Variants in KCTD8 observed in about 807,000 individuals in gnomAD.
KCTD8 encodes BTB/POZ domain-containing protein KCTD8.
KCTD8 carries 27 observed loss-of-function variants against 31.5 expected under a neutral mutation model. That is an observed-to-expected ratio of 0.86 (90% CI 0.63 to 1.18). KCTD8 has a LOEUF of 1.18. KCTD8 is among the 50% of genes most tolerant of loss of function. KCTD8 has a pLI of 0.00. For synonymous variants in KCTD8, 290 were observed against 280.0 expected, an observed-to-expected ratio of 1.04 and a Z score of -0.36; for missense variants, 658 against 647.7, an observed-to-expected ratio of 1.02 and a Z score of -0.17.
rs186614739 is a variant in KCTD8, at chr4:44,422,962, A to G, written c.961+24601T>C. Among the ~76,000 whole-genome samples, 333 of 152,200 alleles carry G rather than the reference A, an allele frequency of 2.2e-3. 5 individuals carry two copies. Among genetic ancestry groups the G allele is most frequent in the Non-Finnish European group, 1.9e-3 (129 of 67,984 alleles). ...TAGAGAAGAGACTGACCCTCCCAAA[A>G]TTCCACTTTACCAACCATAAATTTG... On this transcript the variant is annotated intron_variant, in intron 1 of 1. Coordinates refer to ENST00000360029, the MANE Select transcript of KCTD8 (RefSeq NM_198353.3).
chr4:44,374,013 G>T (rs1050639613), intron 1 of KCTD8, among the ~76,000 whole-genome samples: 2 of 151,972 alleles, frequency 1.3e-5, no homozygotes, highest in Non-Finnish European at 2.9e-5. Flanking sequence ...CAGTTTAGGC[G>T]ACTACATAAG....
At chr4:44,320,109 T>G (rs1718250568) in intron 1 of KCTD8, among the ~76,000 whole-genome samples, 1 of 137,492 alleles carries the variant, frequency 7.3e-6, no homozygotes, top group Admixed American at 8.5e-5. Flanking sequence ...GAGGCAGAGG[T>G]TGCAGTGAGC....
In KCTD8 at chr4:44,405,298, G is replaced by A. The variant is rs575470095; in HGVS notation, c.961+42265C>T. Among the ~76,000 whole-genome samples, 5 of 151,970 alleles carry A rather than the reference G, an allele frequency of 3.3e-5. No individual in the cohort carries two copies. In the South Asian group the frequency reaches 6.2e-4, roughly 19 times the overall value. Reference sequence around the variant, plus strand: ...TTGTGAGACGGAGTCTCGCTCTGTCGCCAGGCTGGAGTGTAGTGGCATGAT... The same window carrying A: ...TTGTGAGACGGAGTCTCGCTCTGTCACCAGGCTGGAGTGTAGTGGCATGAT... On this transcript the variant is annotated intron_variant, in intron 1 of 1. Transcript: ENST00000360029.
intron 1 of KCTD8, among the ~76,000 whole-genome samples, chr4:44,203,214 A>G (rs947070464): frequency 3.9e-5 from 6 of 152,300 alleles, no homozygotes; most frequent in African/African-American, 1.4e-4. Flanking sequence ...TAAAATTAAG[A>G]AAGAATAGCT....
chr4:44,211,797 T>C lies in KCTD8; in HGVS notation c.962-36547A>G, dbSNP rs74652926. ...TAATTAAAAGAGGAAATTAAAAATA[T>C]CCCCAATGTTAGTAATCTGTAAAAT... On this transcript the variant is annotated intron_variant, in intron 1 of 1. Transcript: ENST00000360029. 1.6e-4 allele frequency among the ~76,000 whole-genome samples: 25 copies of C among 152,256 alleles called. No individual in the cohort carries two copies. In the East Asian group the frequency reaches 4.4e-3, roughly 27 times the overall value.
chr4:44,383,619 C>T (rs1304560942), intron 1 of KCTD8, among the ~76,000 whole-genome samples: 1 of 151,938 alleles, frequency 6.6e-6, no homozygotes, highest in Admixed American at 6.6e-5. Flanking sequence ...TAACCATAAA[C>T]ACAATAATAA....
chr4:44,415,313 A>G (rs1721048603), intron 1 of KCTD8, among the ~76,000 whole-genome samples: 1 of 152,164 alleles, frequency 6.6e-6, no homozygotes, highest in Admixed American at 6.6e-5. Context: ...TTAAAAGAGA[A>G]GTAGAGCAAA....
chr4:44,385,089 A>G (rs73247524), intron 1 of KCTD8, among the ~76,000 whole-genome samples: 22,620 of 151,642 alleles, frequency 0.15, 1,875 homozygotes, highest in Non-Finnish European at 0.19. Flanking sequence ...AAAAATTGGA[A>G]AAACATTTTC....
chr4:44,395,358 G>T (rs10938337), intron 1 of KCTD8, among the ~76,000 whole-genome samples: 37,601 of 151,964 alleles, frequency 0.25, 4,961 homozygotes, highest in South Asian at 0.3. Flanking sequence ...GGGCCGAAAA[G>T]ACCCTGAAAT....
chr4:44,380,214 C>T (rs972269764), intron 1 of KCTD8, among the ~76,000 whole-genome samples: 9 of 151,894 alleles, frequency 5.9e-5, no homozygotes, highest in East Asian at 1.9e-4. Flanking sequence ...TATATACCAT[C>T]CTTCCTTATA....
intron 1 of KCTD8, among the ~76,000 whole-genome samples, chr4:44,368,692 C>A (rs1299480944): frequency 6.6e-6 from 1 of 152,098 alleles, no homozygotes; most frequent in African/African-American, 2.4e-5. Context: ...AAAAAGTAAG[C>A]CCAGAGACAA....
chr4:44,200,038 C>G (rs1714088643), intron 1 of KCTD8, among the ~76,000 whole-genome samples: 1 of 151,426 alleles, frequency 6.6e-6, no homozygotes, highest in South Asian at 2.1e-4. Flanking sequence ...TCTGTGCACA[C>G]AAACTAGAAA....
chr4:44,268,865 A>T (rs1446812008), intron 1 of KCTD8, among the ~76,000 whole-genome samples: 1 of 152,088 alleles, frequency 6.6e-6, no homozygotes, highest in African/African-American at 2.4e-5. Flanking sequence ...GGAGAACTAC[A>T]AACCACTGCT....
intron 1 of KCTD8, among the ~76,000 whole-genome samples, chr4:44,216,835 G>A (rs1261241824): frequency 1.3e-5 from 2 of 152,078 alleles, no homozygotes; most frequent in Admixed American, 6.6e-5. Context: ...TCATGAGTGC[G>A]CATGAGACAG....
At chr4:44,309,411 C>T (rs1717890043) in intron 1 of KCTD8, among the ~76,000 whole-genome samples, 1 of 152,064 alleles carries the variant, frequency 6.6e-6, no homozygotes, top group East Asian at 1.9e-4. Context: ...CAATTTAAAA[C>T]TGTCTTAGAT....
At chr4:44,209,591 T>A (rs1392094951) in intron 1 of KCTD8, among the ~76,000 whole-genome samples, 1 of 151,836 alleles carries the variant, frequency 6.6e-6, no homozygotes, top group Non-Finnish European at 1.5e-5. Context: ...GATTGACTGA[T>A]GTAATAATAA....
intron 1 of KCTD8, among the ~76,000 whole-genome samples, chr4:44,429,452 GA>G (rs759522831): frequency 5.9e-5 from 9 of 151,728 alleles, no homozygotes; most frequent in Non-Finnish European, 1.3e-4. Flanking sequence ...GGCATAGATA[GA>G]AAATAGTGGA....
At chr4:44,300,473 GA>G (rs1362391331) in intron 1 of KCTD8, among the ~76,000 whole-genome samples, 5 of 149,262 alleles carry the variant, frequency 3.3e-5, no homozygotes, top group South Asian at 2.2e-4. Context: ...AATCTGATCA[GA>G]AAAAAAGGTT....
chr4:44,447,470 G>C, intron 1 of KCTD8, 93 bp downstream of exon 1: 1 of 1,428,484 alleles, frequency 7.0e-7, no homozygotes, highest in East Asian at 2.6e-5. Context: ...CGCCTGCCCC[G>C]GACACCCCCG....
Sources: gnomAD v4.1 joint callset for allele counts (sites outside exome capture counted in the v4.1 genomes callset) on GRCh38, gnomAD v4.1.1 for gene constraint, MANE v1.5 for transcripts, NCBI Gene and HGNC (gene_info 2026-07-23, HGNC 2026-07-21) for gene names.